The following CLYBL variants were observed in gnomAD, a reference collection of about 807,000 sequenced individuals.
CLYBL encodes citramalyl-CoA lyase, also known as citramalyl-CoA lyase, mitochondrial.
Under a neutral mutation model 38.9 loss-of-function variants are expected in CLYBL, and 31 were observed. The observed-to-expected ratio is 0.80, with a 90% confidence interval of 0.60 to 1.08. The LOEUF is 1.08. CLYBL is among the 50% of genes least tolerant of loss of function. The pLI is 0.00. For synonymous variants in CLYBL, 171 were observed against 158.6 expected, an observed-to-expected ratio of 1.08 and a Z score of -0.59; for missense variants, 434 against 411.6, an observed-to-expected ratio of 1.05 and a Z score of -0.47.
chr13:99,809,243 G>A (rs919235203), intron 2 of CLYBL, among the ~76,000 whole-genome samples: 3 of 150,362 alleles, frequency 2.0e-5, no homozygotes, highest in African/African-American at 4.9e-5. Context: ...TATTTTAATC[G>A]TCCTGTAGAA....
intron 1 of CLYBL, among the ~76,000 whole-genome samples, chr13:99,662,683 C>G (rs2047426927): frequency 6.6e-6 from 1 of 151,944 alleles, no homozygotes; most frequent in Non-Finnish European, 1.5e-5. Context: ...TTTTCCTTTG[C>G]TACTGTCCAA....
chr13:99,690,579 C>G (rs2047886499), intron 1 of CLYBL: 1 of 152,080 alleles, frequency 6.6e-6, no homozygotes. Flanking sequence ...CATCAGTGTT[C>G]CGGTTCTATT....
At chr13:99,876,440 AAG>A (rs895264855) in intron 7 of CLYBL, among the ~76,000 whole-genome samples, 1 of 150,914 alleles carries the variant, frequency 6.6e-6, no homozygotes, top group Non-Finnish European at 1.5e-5. Context: ...AAAAAAAAAA[AAG>A]AGTGTTTTTA....
At chr13:99,619,289 T>C (rs759021211) in intron 1 of CLYBL, among the ~76,000 whole-genome samples, 3 of 152,188 alleles carry the variant, frequency 2.0e-5, no homozygotes, top group Non-Finnish European at 2.9e-5. Context: ...CCCTGCGCCA[T>C]GTGAGGACAC....
chr13:99,634,795 GA>G (rs1213841329), intron 1 of CLYBL, among the ~76,000 whole-genome samples: 1 of 152,184 alleles, frequency 6.6e-6, no homozygotes, highest in Non-Finnish European at 1.5e-5. Flanking sequence ...TGTAGACTGG[GA>G]GTCAGGATTG....
At chr13:99,796,567 A>T (rs2138917369) in intron 2 of CLYBL, among the ~76,000 whole-genome samples, 1 of 152,358 alleles carries the variant, frequency 6.6e-6, no homozygotes, top group African/African-American at 2.4e-5. Flanking sequence ...GATGACAGAT[A>T]AGGAAAGTGG....
intron 1 of CLYBL, among the ~76,000 whole-genome samples, chr13:99,754,902 C>CTT (rs371004687): frequency 8.1e-5 from 11 of 136,022 alleles, no homozygotes; most frequent in Non-Finnish European, 1.7e-4. Context: ...TAGATGATCT[C>CTT]TTTTTTTTTT....
chr13:99,885,085 G>A (rs1374459261), intron 7 of CLYBL: 1 of 530,168 alleles, frequency 1.9e-6, no homozygotes, highest in African/African-American at 1.9e-5. Context: ...GGTGCTGGGT[G>A]CCAGGTCCTG....
intron 2 of CLYBL, among the ~76,000 whole-genome samples, chr13:99,793,020 C>T (rs1003197158): frequency 7.6e-6 from 1 of 132,290 alleles, no homozygotes; most frequent in Admixed American, 7.8e-5. Flanking sequence ...TTCTTGTGCA[C>T]ATGTGCATAC....
At chr13:99,810,923 G>A (rs545325458) in intron 2 of CLYBL, among the ~76,000 whole-genome samples, 114 of 152,000 alleles carry the variant, frequency 7.5e-4, no homozygotes, top group African/African-American at 2.4e-3. Flanking sequence ...GCAAAATTCC[G>A]TTCTCTTCTC....
chr13:99,607,194 A>G (rs1195533367), intron 1 of CLYBL, among the ~76,000 whole-genome samples: 2 of 87,612 alleles, frequency 2.3e-5, no homozygotes, highest in Non-Finnish European at 5.0e-5. Context: ...TTTTGCTTAT[A>G]TCTATTGATT....
chr13:99,871,961 C>T (rs1171569241), intron 7 of CLYBL, among the ~76,000 whole-genome samples: 2 of 144,600 alleles, frequency 1.4e-5, no homozygotes, highest in Non-Finnish European at 3.0e-5. Flanking sequence ...AAATTTATTA[C>T]AGTTCTGAAT....
At chr13:99,707,552 T>G in intron 1 of CLYBL, among the ~76,000 whole-genome samples, 1 of 152,096 alleles carries the variant, frequency 6.6e-6, no homozygotes, top group South Asian at 2.1e-4. Context: ...GATTACAGGC[T>G]TGAGCCATTG....
chr13:99,683,176 C>T (rs981992313), intron 1 of CLYBL, among the ~76,000 whole-genome samples: 4 of 152,006 alleles, frequency 2.6e-5, no homozygotes, highest in South Asian at 4.2e-4. Context: ...CTGCCTCCCA[C>T]GTTCAAGCAA....
At position 99,768,304 on chromosome 13, in the gene CLYBL, C is replaced by T. The variant is rs529347009; in HGVS notation, c.63-4520C>T. ...ACACTTCCCGAGTTCAAGCAACTCT[C>T]CTGCCTCAGCCTCCAGAGTAGCTGG... On this transcript the variant is annotated intron_variant, in intron 1 of 8. Transcript: ENST00000339105. Among the ~76,000 whole-genome samples the T allele has an allele frequency of 8.4e-4, 122 of 145,958 alleles. 1 individual carries two copies. The highest frequency in any genetic ancestry group is 2.9e-3 in the African/African-American group (116 of 39,614).
chr13:99,619,798 GA>G, intron 1 of CLYBL, among the ~76,000 whole-genome samples: 1 of 152,276 alleles, frequency 6.6e-6, no homozygotes, highest in African/African-American at 2.4e-5. Context: ...CCAGAGTCTA[GA>G]AAGGAATTAT....
At chr13:99,699,260 C>T (rs999245748) in intron 1 of CLYBL, among the ~76,000 whole-genome samples, 2 of 152,088 alleles carry the variant, frequency 1.3e-5, no homozygotes, top group African/African-American at 4.8e-5. Context: ...TGGTGGGCAC[C>T]TGTAATCCCA....
chr13:99,855,116 A>G (rs555142698), intron 2 of CLYBL, among the ~76,000 whole-genome samples: 71 of 150,614 alleles, frequency 4.7e-4, no homozygotes, highest in African/African-American at 1.7e-3. Flanking sequence ...GTAACTGTTG[A>G]TAAAGGCCTT....
chr13:99,824,375 A>G (rs189436973), intron 2 of CLYBL, among the ~76,000 whole-genome samples: 7 of 151,726 alleles, frequency 4.6e-5, no homozygotes, highest in South Asian at 2.1e-4. Flanking sequence ...TAGCATAAGA[A>G]TGGTTATGGT....
Sources: gnomAD v4.1 joint callset for allele counts (sites outside exome capture counted in the v4.1 genomes callset) on GRCh38, gnomAD v4.1.1 for gene constraint, MANE v1.5 for transcripts, NCBI Gene and HGNC (gene_info 2026-07-23, HGNC 2026-07-21) for gene names.